The following CBX2 variants were observed in gnomAD, a reference collection of about 807,000 sequenced individuals.
CBX2 encodes the protein chromobox protein homolog 2.
CBX2 carries 11 observed loss-of-function variants against 21.0 expected under a neutral mutation model. That is an observed-to-expected ratio of 0.52 (90% CI 0.33 to 0.87). The LOEUF is 0.87. Ranked by LOEUF, CBX2 falls within the 40% of genes least tolerant of loss-of-function variation. CBX2 has a pLI of 0.02. For missense variants in CBX2, 746 were observed against 724.3 expected (o/e 1.03, Z -0.34); for synonymous variants, 364 against 304.6 (o/e 1.19, Z -2.03).
rs985450412 is a variant in CBX2 at position 79,786,945 on chromosome 17, G to T, written c.*1903G>T. 2.0e-5 allele frequency: 3 copies of T among 152,718 alleles called. No individual in the cohort carries two copies. Among genetic ancestry groups the T allele is most frequent in the African/African-American group, 7.2e-5 (3 of 41,472 alleles). 9.5% of individuals were successfully genotyped at this position (152,718 alleles called of 1,614,324 possible). ...GAGGGCCATCCATATGCCAGCTGGG[G>T]GCCAGCCCACAGTGGCCATATTGGC... On this transcript the variant is annotated 3_prime_UTR_variant, in exon 5 of 5. Transcript: ENST00000310942.
intron 4 of CBX2, chr17:79,782,026 C>T (rs1181562669): frequency 1.2e-6 from 2 of 1,614,062 alleles, no homozygotes; most frequent in Non-Finnish European, 1.7e-6. Context: ...CAGGGGCTTC[C>T]TGCTTCAGCC....
intron 3 of CBX2, 74 bp from the exon 4 acceptor site, chr17:79,781,622 A>G (rs1598222505): frequency 1.6e-6 from 2 of 1,282,318 alleles, no homozygotes; most frequent in East Asian, 4.6e-5. Context: ...AGGGTGCTGG[A>G]AGCCATAGAG....
At position 79,784,868 on chromosome 17, in the gene CBX2, G is replaced by A. The variant is rs202081500; in HGVS notation, c.1425G>A (p.Ser475=). 163 of 1,613,172 alleles carry A rather than the reference G, an allele frequency of 1.0e-4. 1 individual carries two copies. In the East Asian group the frequency reaches 2.4e-3, roughly 23 times the overall value. The change falls in exon 5 of 5, where the codon TCG becomes TCA. Residue 475 remains serine (S), a synonymous_variant. Coordinates refer to ENST00000310942, the MANE Select transcript of CBX2 (RefSeq NM_005189.3). The surrounding 1 kb of genome is among the most constrained non-coding windows in gnomAD (Gnocchi z 5.9). The part of the protein sequence containing the change: ...SSSDSDPDSA[S]PPSTGQNPSV... ...CGGACTCCGACCCCGACTCCGCCTC[G>A]CCGCCCAGCACTGGACAGAACCCGT...
chr17:79,777,862 C>A (rs1387414733), upstream of CBX2, among the ~76,000 whole-genome samples: 1 of 150,808 alleles, frequency 6.6e-6, no homozygotes, highest in African/African-American at 2.4e-5. Context: ...ACTCGGTGGG[C>A]GCCCCAGGCC....
intron 3 of CBX2, among the ~76,000 whole-genome samples, chr17:79,780,086 G>A (rs1555829907): frequency 6.6e-6 from 1 of 152,226 alleles, no homozygotes; most frequent in Non-Finnish European, 1.5e-5. Context: ...CAAGGGCAAG[G>A]GGTGGTGAGG....
rs782333644 is a variant in CBX2, at chr17:79,784,060, C to T, written c.617C>T (p.Ala206Val). Reference sequence around the variant, plus strand: ...AGCAAGCTGCCCCCTCCACTCAGCGCCCCCGTTGCAGGCCTGGCAGCTCTG... The same window carrying T: ...AGCAAGCTGCCCCCTCCACTCAGCGTCCCCGTTGCAGGCCTGGCAGCTCTG... The part of the protein sequence containing the change: ...PASKLPPPLS[A>V]PVAGLAALKA... The change falls in exon 5 of 5, where the codon GCC becomes GTC. Residue 206 changes from alanine to valine, a missense_variant. Physicochemically the swap from Ala to Val is moderately conservative, Grantham distance 64 (BLOSUM62 0). This residue lies in a region of CBX2 where 701 missense variants were observed against 650.7 expected (regional missense o/e 1.08). Coordinates refer to ENST00000310942, the MANE Select transcript of CBX2 (RefSeq NM_005189.3). This position sits in a 1 kb window ranked among gnomAD's most constrained non-coding sequence, Gnocchi z 5.9. 2.5e-6 allele frequency: 4 copies of T among 1,612,626 alleles called. No homozygotes were observed. Among genetic ancestry groups the T allele is most frequent in the East Asian group, 4.5e-5 (2 of 44,876 alleles).
chr17:79,783,035 C>T (rs568897249), intron 4 of CBX2, among the ~76,000 whole-genome samples: 10 of 152,154 alleles, frequency 6.6e-5, no homozygotes, highest in Non-Finnish European at 1.2e-4. Context: ...CTACTTAATA[C>T]GACTTGTAAC....
intron 4 of CBX2, among the ~76,000 whole-genome samples, chr17:79,783,025 C>T (rs1907347883): frequency 6.6e-6 from 1 of 152,168 alleles, no homozygotes; most frequent in Non-Finnish European, 1.5e-5. Context: ...GCTGTGCATG[C>T]TACTTAATAC....
At chr17:79,782,179 C>T in intron 4 of CBX2, 2 of 1,612,340 alleles carry the variant, frequency 1.2e-6, no homozygotes, top group Non-Finnish European at 1.7e-6. Context: ...CTGGATGTGA[C>T]TCAAAAGCCT....
chr17:79,781,942 G>A, intron 4 of CBX2, 141 bp downstream of exon 4: 2 of 1,614,172 alleles, frequency 1.2e-6, no homozygotes, highest in Admixed American at 3.3e-5. Context: ...GAAAACAGGA[G>A]CCCCCTTTCT....
At position 79,783,940 on chromosome 17, in the gene CBX2, G is replaced by A. The variant is rs1428652993; in HGVS notation, c.497G>A (p.Arg166Gln). 2.5e-6 allele frequency: 4 copies of A among 1,613,814 alleles called. No homozygotes were observed. Among genetic ancestry groups the A allele is most frequent in the South Asian group, 1.1e-5 (1 of 91,090 alleles). The part of the protein sequence containing the change: ...LKDPIRKKRG[R>Q]KPLPPEQKAT... ...GATCCCATCCGGAAGAAGCGGGGACGAAAGCCCCTGCCCCCAGAGCAAAAG... is the reference window on the plus strand; with the variant it reads ...GATCCCATCCGGAAGAAGCGGGGACAAAAGCCCCTGCCCCCAGAGCAAAAG... Residue 166 changes from arginine (R) to glutamine (Q), a missense_variant, in exon 5 of 5, where the codon CGA (arginine) becomes CAA (glutamine). Physicochemically the swap from Arg to Gln is conservative, Grantham distance 43. Transcript: ENST00000310942.
intron 4 of CBX2, among the ~76,000 whole-genome samples, chr17:79,783,388 G>C (rs550640668): frequency 6.6e-6 from 1 of 151,956 alleles, no homozygotes; most frequent in Non-Finnish European, 1.5e-5. Flanking sequence ...AGGCAGTGGA[G>C]GTGTGACACC....
At chr17:79,782,092 C>CG (rs782533955) in intron 4 of CBX2, 247 of 1,613,526 alleles carry the variant, frequency 1.5e-4, no homozygotes, top group Non-Finnish European at 2.0e-4. Context: ...GACAAGCACT[C>CG]TTCCCTCCCA....
At position 79,778,190 on chromosome 17, in the gene CBX2, G is replaced by C. The variant is rs1222159261; in HGVS notation, c.-46G>C. ...CGGCGGGGCGCGCGGCGGTCCGGGC[G>C]GGTGACTGGCGGCGGGCGCCGCGGT... On this transcript the variant is annotated 5_prime_UTR_variant, in exon 1 of 5. Coordinates refer to ENST00000310942, the MANE Select transcript of CBX2 (RefSeq NM_005189.3). This position sits in a 1 kb window ranked among gnomAD's most constrained non-coding sequence, Gnocchi z 4.8. The C allele has an allele frequency of 9.2e-6, 11 of 1,196,410 alleles. No homozygotes were observed. Among genetic ancestry groups the C allele is most frequent in the African/African-American group, 3.2e-5 (2 of 61,714 alleles). 74.1% of individuals were successfully genotyped at this position (1,196,410 alleles called of 1,614,324 possible). A position where few individuals can be genotyped will look rare whatever the true frequency, so the allele number is the denominator to read the frequency against.
At chr17:79,777,750 C>A (rs949227529), upstream of CBX2, among the ~76,000 whole-genome samples, 1 of 152,112 alleles carries the variant, frequency 6.6e-6, no homozygotes, top group Non-Finnish European at 1.5e-5. Context: ...AAGCAGCCGC[C>A]GCGCCCCGTC....
Position 79,779,507 on chromosome 17 carries a change from G to C in CBX2, c.182+80G>C. ...GAGTCGTGCTGGGCGCTGCTCGCCT[G>C]CCGGGAGGCTGGAGCTGGGGCTGTG... On this transcript the variant is annotated intron_variant, in intron 3 of 4. Transcript: ENST00000310942. The C allele has an allele frequency of 2.3e-6, 3 of 1,320,196 alleles. No homozygotes were observed. The South Asian group carries it at 3.6e-5, about 16-fold the overall frequency. 81.8% of individuals were successfully genotyped at this position (1,320,196 alleles called of 1,614,324 possible). A position where few individuals can be genotyped will look rare whatever the true frequency, so the allele number is the denominator to read the frequency against.
intron 4 of CBX2, chr17:79,782,434 C>T (rs1907300420): frequency 7.7e-7 from 1 of 1,304,670 alleles, no homozygotes; most frequent in Non-Finnish European, 9.8e-7. Flanking sequence ...AGGGCCCCTC[C>T]CTCCCCTGAG....
At position 79,779,352 on chromosome 17, in the gene CBX2, T is replaced by C. The variant is rs1555829737; in HGVS notation, c.117-10T>C. The C allele has an allele frequency of 1.9e-5, 31 of 1,613,364 alleles. No individual in the cohort carries two copies. The highest frequency in any genetic ancestry group is 2.6e-5 in the Non-Finnish European group (31 of 1,179,878). On this transcript the variant is annotated splice_polypyrimidine_tract_variant and intron_variant, in intron 2 of 4. Coordinates refer to ENST00000310942, the MANE Select transcript of CBX2 (RefSeq NM_005189.3). ...TGGCGTCTAATGCTGCCCTGTCCTC[T>C]GCTTTGCAGACATAACAGCTGGGAG...
In CBX2 at chr17:79,784,063, C is replaced by T; in HGVS notation, c.620C>T (p.Pro207Leu). The change falls in exon 5 of 5, where the codon CCC becomes CTC. Residue 207 changes from proline (P) to leucine (L), a missense_variant. Pro to Leu is a moderately conservative substitution (Grantham distance 98, BLOSUM62 -3). Transcript: ENST00000310942. This position sits in a 1 kb window ranked among gnomAD's most constrained non-coding sequence, Gnocchi z 5.9. ...ASKLPPPLSA[P>L]VAGLAALKAH... Reference sequence around the variant, plus strand: ...AAGCTGCCCCCTCCACTCAGCGCCCCCGTTGCAGGCCTGGCAGCTCTGAAG... The same window carrying T: ...AAGCTGCCCCCTCCACTCAGCGCCCTCGTTGCAGGCCTGGCAGCTCTGAAG... The T allele has an allele frequency of 6.2e-7, 1 of 1,612,554 alleles. No homozygotes were observed. The highest frequency in any genetic ancestry group is 8.5e-7 in the Non-Finnish European group (1 of 1,179,790).
Sources: gnomAD v4.1 joint callset for allele counts (sites outside exome capture counted in the v4.1 genomes callset) on GRCh38, gnomAD v4.1.1 for gene constraint, gnomAD v4.1.1 regional missense constraint, Gnocchi (gnomAD v3.1) non-coding constraint, MANE v1.5 for transcripts, NCBI Gene and HGNC (gene_info 2026-07-23, HGNC 2026-07-21) for gene names.